The following PKHD1 variants were observed in gnomAD, a reference collection of about 807,000 sequenced individuals.
PKHD1 encodes the protein fibrocystin.
In PKHD1, 291 loss-of-function variants were observed where a neutral mutation model predicts 412.0. The ratio of observed to expected loss-of-function variants is 0.71; its 90% CI spans 0.64 to 0.78. The LOEUF (loss-of-function observed/expected upper bound fraction) is 0.78, where lower values mean the gene tolerates loss of function less well. Among genes scored for constraint, PKHD1 ranks in the 30% least tolerant of loss-of-function variants. PKHD1 has a pLI of 0.00. For synonymous variants in PKHD1, 1,777 were observed against 1,821.5 expected (o/e 0.98, Z 0.62); for missense variants, 4,825 against 4,950.7 (o/e 0.97, Z 0.76).
intron 28 of PKHD1, among the ~76,000 whole-genome samples, 159 bp downstream of exon 28, chr6:52,035,432 A>G (rs1459554444): frequency 1.3e-5 from 2 of 152,216 alleles, no homozygotes; most frequent in African/African-American, 4.8e-5. Context: ...TCAGTTTCCC[A>G]CTTCATAGCA....
chr6:52,065,528 G>A (rs1394243540), intron 12 of PKHD1, among the ~76,000 whole-genome samples: 1 of 152,070 alleles, frequency 6.6e-6, no homozygotes, highest in African/African-American at 2.4e-5. Context: ...CAAAACAAAA[G>A]GCTCTAGACA....
chr6:51,918,091 G>A (rs1165802972), intron 37 of PKHD1, among the ~76,000 whole-genome samples: 2 of 152,084 alleles, frequency 1.3e-5, no homozygotes, highest in Non-Finnish European at 2.9e-5. Context: ...TGGAGCAAAT[G>A]AAGAGGACTG....
At position 52,076,260 on chromosome 6, in the gene PKHD1, A is replaced by G; in HGVS notation, c.448+16T>C. The G allele has an allele frequency of 6.4e-7, 1 of 1,572,112 alleles. No individual in the cohort carries two copies. The highest frequency in any genetic ancestry group is 8.8e-7 in the Non-Finnish European group (1 of 1,141,736). On this transcript the variant is annotated intron_variant, in intron 6 of 66. Coordinates refer to ENST00000371117, the MANE Select transcript of PKHD1 (RefSeq NM_138694.4). Reference sequence around the variant, plus strand: ...CAGATTCACAATTATTCCTATTTTAATAGAAGATTTCTTACCTGGAACACC... The same window carrying G: ...CAGATTCACAATTATTCCTATTTTAGTAGAAGATTTCTTACCTGGAACACC...
Position 51,906,320 on chromosome 6 carries a change from T to C in PKHD1, c.6703A>G (p.Thr2235Ala), listed in dbSNP as rs1189785045. The change falls in exon 41 of 67, where the codon ACA becomes GCA. Residue 2235 changes from threonine to alanine, a missense_variant. Coordinates refer to ENST00000371117, the MANE Select transcript of PKHD1 (RefSeq NM_138694.4). ...AMRESFIQGC[T>A]VRNSFSRGLS... is the part of the protein sequence containing the mutation. Reference sequence around the variant, plus strand: ...CCTCTACTGAAGGAGTTCCTCACTGTGCAGCCCTGTATGAAAGACTCTGAA... The same window carrying C: ...CCTCTACTGAAGGAGTTCCTCACTGCGCAGCCCTGTATGAAAGACTCTGAA... The C allele has an allele frequency of 6.2e-7, 1 of 1,611,242 alleles. No homozygotes were observed. The highest frequency in any genetic ancestry group is 1.3e-5 in the African/African-American group (1 of 74,956).
intron 60 of PKHD1, among the ~76,000 whole-genome samples, chr6:51,685,159 C>T (rs1218037590): frequency 6.6e-6 from 1 of 152,088 alleles, no homozygotes; most frequent in East Asian, 1.9e-4. Context: ...CCCCATTACA[C>T]ATCTGGCCAA....
intron 60 of PKHD1, among the ~76,000 whole-genome samples, chr6:51,699,962 C>A (rs1442211219): frequency 1.1e-4 from 2 of 18,038 alleles, no homozygotes; most frequent in Admixed American, 6.8e-4. Context: ...TGTGTAAAAA[C>A]AGTAATTTAT....
At chr6:51,910,079 G>A (rs1583320470) in intron 39 of PKHD1, among the ~76,000 whole-genome samples, 1 of 151,974 alleles carries the variant, frequency 6.6e-6, no homozygotes, top group Admixed American at 6.6e-5. Flanking sequence ...AACTACAAAT[G>A]CCAGTGAGGA....
intron 51 of PKHD1, among the ~76,000 whole-genome samples, chr6:51,831,218 G>T (rs185346268): frequency 1.3e-5 from 2 of 152,026 alleles, no homozygotes; most frequent in Admixed American, 6.6e-5. Context: ...CATCTGTTTT[G>T]CCTTATAATA....
intron 60 of PKHD1, among the ~76,000 whole-genome samples, chr6:51,673,946 C>A (rs190378814): frequency 6.6e-6 from 1 of 152,140 alleles, no homozygotes; most frequent in African/African-American, 2.4e-5. Flanking sequence ...TTTGGAGGAA[C>A]GGAGTAAAAG....
At chr6:52,032,426 G>A (rs1032188805) in intron 29 of PKHD1, among the ~76,000 whole-genome samples, 6 of 152,084 alleles carry the variant, frequency 3.9e-5, no homozygotes, top group Admixed American at 1.3e-4. Context: ...CATGTAGTTG[G>A]TGCTAATGAA....
chr6:52,072,037 G>C, intron 8 of PKHD1, 78 bp downstream of exon 8: 1 of 844,178 alleles, frequency 1.2e-6, no homozygotes, highest in Non-Finnish European at 2.1e-6. Context: ...GGGAGAGAAA[G>C]AGAGAGAATG....
chr6:51,619,708 C>T (rs1051025359), intron 66 of PKHD1, among the ~76,000 whole-genome samples, 188 bp from the exon 67 acceptor site: 3 of 152,042 alleles, frequency 2.0e-5, no homozygotes, highest in Non-Finnish European at 2.9e-5. Flanking sequence ...ATACTTCTTC[C>T]TCAAAAAATA....
intron 52 of PKHD1, among the ~76,000 whole-genome samples, chr6:51,814,723 G>A (rs12196085): frequency 0.038 from 5,832 of 152,286 alleles, 177 homozygotes; most frequent in Middle Eastern, 0.11. Context: ...GAAGGTGTGG[G>A]AGGAGGGAGG....
chr6:52,007,024 T>C (rs1799168522), intron 35 of PKHD1, among the ~76,000 whole-genome samples: 1 of 152,250 alleles, frequency 6.6e-6, no homozygotes, highest in Non-Finnish European at 1.5e-5. Flanking sequence ...CATTAATTTG[T>C]TCCTTTTTAT....
intron 49 of PKHD1, among the ~76,000 whole-genome samples, chr6:51,851,304 T>G (rs1772193488): frequency 2.0e-5 from 3 of 152,202 alleles, no homozygotes; most frequent in Non-Finnish European, 4.4e-5. Context: ...TTTGCCAGTA[T>G]TTTATTGAGG....
At chr6:51,926,947 A>G (rs1785735666) in intron 37 of PKHD1, among the ~76,000 whole-genome samples, 1 of 152,200 alleles carries the variant, frequency 6.6e-6, no homozygotes. Context: ...CTACCACGCT[A>G]GGGTTCCAAG....
intron 12 of PKHD1, 124 bp downstream of exon 12, chr6:52,065,852 T>C: frequency 2.9e-6 from 2 of 697,264 alleles, no homozygotes; most frequent in South Asian, 3.1e-5. Context: ...ACATGACTTA[T>C]CAAACATGAT....
At chr6:51,780,502 A>T (rs1460771873) in intron 53 of PKHD1, among the ~76,000 whole-genome samples, 1 of 152,070 alleles carries the variant, frequency 6.6e-6, no homozygotes, top group Non-Finnish European at 1.5e-5. Context: ...TTGATAAATC[A>T]ATATAAAACA....
chr6:51,925,880 T>G (rs996058019), intron 37 of PKHD1, among the ~76,000 whole-genome samples: 2 of 151,922 alleles, frequency 1.3e-5, no homozygotes, highest in African/African-American at 2.4e-5. Context: ...AAGTTAATCC[T>G]GAGGCTTTTG....
Sources: allele counts gnomAD v4.1 joint callset (sites outside exome capture counted in the v4.1 genomes callset), GRCh38; gene constraint gnomAD v4.1.1; transcripts MANE v1.5; gene names NCBI Gene and HGNC (gene_info 2026-07-23, HGNC 2026-07-21).